KCNQ3: variants seen among roughly 807,000 people sequenced by gnomAD.
KCNQ3 encodes the protein potassium voltage-gated channel subfamily KQT member 3.
KCNQ3 carries 30 observed loss-of-function variants against 92.5 expected under a neutral mutation model. The ratio of observed to expected loss-of-function variants is 0.32; its 90% CI spans 0.24 to 0.44. KCNQ3 has a LOEUF of 0.44. KCNQ3 is among the 20% of genes least tolerant of loss of function. The probability of loss-of-function intolerance (pLI) is 1.00; values close to 1 mark genes in which losing one functional copy is unlikely to be tolerated. For synonymous variants in KCNQ3, 450 were observed against 468.8 expected (o/e 0.96, Z 0.52); for missense variants, 913 against 1,140.3 (o/e 0.80, Z 2.87).
Position 132,128,388 on chromosome 8 carries a change from G to T in KCNQ3, c.*874C>A, listed in dbSNP as rs1824737958. The T allele has an allele frequency of 6.6e-6, 1 of 152,218 alleles. No individual in the cohort carries two copies. The highest frequency in any genetic ancestry group is 1.5e-5 in the Non-Finnish European group (1 of 68,038). The allele number at this position is 152,218 out of a possible 1,614,324, so 9.4% of individuals were successfully genotyped here. ...GTACTTCAGTATCATGGGAAGAAAT[G>T]AGAGTTGGAAATTCATTTTAAAGGC... is the stretch of plus-strand genomic sequence containing the variant. On this transcript the variant is annotated 3_prime_UTR_variant, in exon 15 of 15. Coordinates refer to ENST00000388996, the MANE Select transcript of KCNQ3 (RefSeq NM_004519.4).
At chr8:132,252,242 A>G (rs562487094) in intron 1 of KCNQ3, among the ~76,000 whole-genome samples, 1 of 152,294 alleles carries the variant, frequency 6.6e-6, no homozygotes, top group East Asian at 1.9e-4. Flanking sequence ...TGAGTGCTAC[A>G]GTTCTTAAAG....
intron 1 of KCNQ3, among the ~76,000 whole-genome samples, chr8:132,377,250 G>A (rs1387976496): frequency 1.3e-5 from 2 of 152,122 alleles, no homozygotes; most frequent in Non-Finnish European, 2.9e-5. Context: ...TTCTGCTTTT[G>A]GCTCTGGACA....
intron 1 of KCNQ3, among the ~76,000 whole-genome samples, chr8:132,277,667 A>G (rs1010410810): frequency 6.6e-6 from 1 of 152,116 alleles, no homozygotes; most frequent in Non-Finnish European, 1.5e-5. Context: ...AAGAAGCCCA[A>G]ATGAGCAGAT....
At chr8:132,296,044 T>A (rs1479285642) in intron 1 of KCNQ3, among the ~76,000 whole-genome samples, 2 of 152,348 alleles carry the variant, frequency 1.3e-5, no homozygotes, top group Non-Finnish European at 2.9e-5. Flanking sequence ...AAATTAAATT[T>A]AAAAAATAAT....
chr8:132,433,448 T>C (rs1271723779), intron 1 of KCNQ3, among the ~76,000 whole-genome samples: 1 of 152,204 alleles, frequency 6.6e-6, no homozygotes, highest in African/African-American at 2.4e-5. Flanking sequence ...GACACAGCAT[T>C]CTCATTTCTG....
At chr8:132,418,773 G>A (rs967645275) in intron 1 of KCNQ3, among the ~76,000 whole-genome samples, 3 of 152,130 alleles carry the variant, frequency 2.0e-5, no homozygotes, top group African/African-American at 7.2e-5. Context: ...GCAACAGAAT[G>A]AGACTATGTC....
At chr8:132,423,965 G>T (rs779296098) in intron 1 of KCNQ3, among the ~76,000 whole-genome samples, 10 of 151,838 alleles carry the variant, frequency 6.6e-5, no homozygotes, top group Non-Finnish European at 1.5e-4. Context: ...TTATTTCTGG[G>T]ATTTAAAAAA....
chr8:132,348,216 A>C (rs1818754574), intron 1 of KCNQ3, among the ~76,000 whole-genome samples: 2 of 152,146 alleles, frequency 1.3e-5, no homozygotes, highest in African/African-American at 4.8e-5. Flanking sequence ...AATGAAAAAA[A>C]AAATGCTGCC....
intron 1 of KCNQ3, among the ~76,000 whole-genome samples, chr8:132,306,165 C>A (rs754006374): frequency 6.6e-6 from 1 of 152,178 alleles, no homozygotes; most frequent in Admixed American, 6.5e-5. Context: ...CTACTCTGGA[C>A]TGAACTCAAA....
At chr8:132,301,497 G>C (rs141222946) in intron 1 of KCNQ3, among the ~76,000 whole-genome samples, 1 of 152,114 alleles carries the variant, frequency 6.6e-6, no homozygotes, top group Non-Finnish European at 1.5e-5. Context: ...CTCTGAAATC[G>C]TAAATAATAA....
rs1223253841 is a variant in KCNQ3 at position 132,129,843 on chromosome 8, A to C, written c.2038T>G (p.Leu680Val). 9.3e-6 allele frequency: 15 copies of C among 1,614,102 alleles called. No individual in the cohort carries two copies. Among genetic ancestry groups the C allele is most frequent in the Non-Finnish European group, 1.2e-5 (14 of 1,180,012 alleles). ...GAATAGTTGCAGATGATGGTTTTCA[A>C]ATCGGAATACCTGTTGTCCTCCTTC... ...EKKEDNRYSD[L>V]KTIICNYSET... The change falls in exon 15 of 15, where the codon TTG becomes GTG. Residue 680 changes from leucine (L) to valine (V), a missense_variant. Leu to Val is a conservative substitution (Grantham distance 32). This residue lies in a region of KCNQ3 where 375 missense variants were observed against 376.4 expected (regional missense o/e 1.00). Coordinates refer to ENST00000388996, the MANE Select transcript of KCNQ3 (RefSeq NM_004519.4). This position sits in a 1 kb window ranked among gnomAD's most constrained non-coding sequence, Gnocchi z 5.9.
intron 1 of KCNQ3, among the ~76,000 whole-genome samples, chr8:132,260,854 C>T (rs1309729478): frequency 6.6e-6 from 1 of 151,980 alleles, no homozygotes; most frequent in Non-Finnish European, 1.5e-5. Context: ...TCCAAACATC[C>T]ATCCATCCAT....
intron 9 of KCNQ3, among the ~76,000 whole-genome samples, chr8:132,154,224 A>T (rs1407080388): frequency 3.4e-4 from 16 of 47,716 alleles, no homozygotes; most frequent in South Asian, 1.2e-3. Flanking sequence ...TTTTTTTTTT[A>T]GCCAATCAGG....
rs1358734764 is a variant in KCNQ3 at position 132,121,434 on chromosome 8, T to C, written c.*7828A>G. Reference sequence around the variant, plus strand: ...CCGACTTCACCTCTCCAACAGCAAATCTCTGATCCTTGGCAAAATGGCTGC... The same window carrying C: ...CCGACTTCACCTCTCCAACAGCAAACCTCTGATCCTTGGCAAAATGGCTGC... On this transcript the variant is annotated 3_prime_UTR_variant, in exon 15 of 15. Transcript: ENST00000388996. 1.3e-5 allele frequency: 2 copies of C among 152,192 alleles called. No individual in the cohort carries two copies. Among genetic ancestry groups the C allele is most frequent in the African/African-American group, 2.4e-5 (1 of 41,430 alleles). 9.4% of individuals were successfully genotyped at this position (152,192 alleles called of 1,614,324 possible).
chr8:132,370,032 G>A (rs1301789209), intron 1 of KCNQ3, among the ~76,000 whole-genome samples: 4 of 152,068 alleles, frequency 2.6e-5, no homozygotes, highest in Admixed American at 2.0e-4. Flanking sequence ...AAGACTTGGT[G>A]GAAACCTCTG....
intron 1 of KCNQ3, among the ~76,000 whole-genome samples, chr8:132,259,645 C>G (rs1359963247): frequency 6.6e-6 from 1 of 152,092 alleles, no homozygotes; most frequent in Non-Finnish European, 1.5e-5. Flanking sequence ...ACTAGAAGTT[C>G]TATTCAGGAC....
chr8:132,134,229 G>A, intron 13 of KCNQ3, 61 bp downstream of exon 13: 1 of 1,219,416 alleles, frequency 8.2e-7, no homozygotes, highest in Non-Finnish European at 1.2e-6. Context: ...GAGGTTTGGG[G>A]GTGGGGATGC....
chr8:132,323,521 A>G (rs946336496), intron 1 of KCNQ3, among the ~76,000 whole-genome samples: 9 of 152,296 alleles, frequency 5.9e-5, no homozygotes, highest in East Asian at 1.9e-4. Context: ...ACATGACTTG[A>G]CATGTCCCAA....
intron 1 of KCNQ3, among the ~76,000 whole-genome samples, chr8:132,352,285 C>T (rs1818896808): frequency 6.6e-6 from 1 of 151,982 alleles, no homozygotes; most frequent in Non-Finnish European, 1.5e-5. Context: ...TGATCTTGAC[C>T]CCCCAAGGAG....
Sources: gnomAD v4.1 joint callset for allele counts (sites outside exome capture counted in the v4.1 genomes callset) on GRCh38, gnomAD v4.1.1 for gene constraint, gnomAD v4.1.1 regional missense constraint, Gnocchi (gnomAD v3.1) non-coding constraint, MANE v1.5 for transcripts, NCBI Gene and HGNC (gene_info 2026-07-23, HGNC 2026-07-21) for gene names.